The following WWOX variants were observed in gnomAD, a reference collection of about 807,000 sequenced individuals.
WWOX encodes the protein WW domain containing oxidoreductase.
WWOX carries 69 observed loss-of-function variants against 46.2 expected under a neutral mutation model. That is an observed-to-expected ratio of 1.49 (90% CI 1.23 to 1.82). The LOEUF (loss-of-function observed/expected upper bound fraction) is 1.82, where lower values mean the gene tolerates loss of function less well. WWOX is among the 40% of genes most tolerant of loss of function. The probability of loss-of-function intolerance (pLI) is 0.00; values close to 1 mark genes in which losing one functional copy is unlikely to be tolerated. For synonymous variants in WWOX, 359 were observed against 202.6 expected (o/e 1.77, Z -6.56); for missense variants, 919 against 542.6 (o/e 1.69, Z -6.89).
intron 5 of WWOX, among the ~76,000 whole-genome samples, chr16:78,190,529 C>A (rs144063124): frequency 1.4e-3 from 215 of 152,294 alleles, no homozygotes; most frequent in Middle Eastern, 6.8e-3. Flanking sequence ...CCGACCGACC[C>A]CATGATGGCT....
intron 8 of WWOX, among the ~76,000 whole-genome samples, chr16:79,166,074 A>G (rs2050588649): frequency 6.6e-6 from 1 of 152,254 alleles, no homozygotes; most frequent in South Asian, 2.1e-4. Flanking sequence ...AGCAGCATAG[A>G]CCAGCTTTAC....
rs184500178 is a variant in WWOX, at chr16:79,059,728, G to C, written c.1057-151880G>C. ...CCAGGCATCTCAATCGTTTTACTAA[G>C]AAATTTGGAGGCCTTGAGAAATGGG... is the stretch of plus-strand genomic sequence containing the variant. On this transcript the variant is annotated intron_variant, in intron 8 of 8. Transcript: ENST00000566780. Among the ~76,000 whole-genome samples the C allele has an allele frequency of 1.1e-4, 16 of 152,252 alleles. No individual in the cohort carries two copies. The East Asian group carries it at 1.2e-3, about 11-fold the overall frequency.
intron 6 of WWOX, among the ~76,000 whole-genome samples, chr16:78,396,152 C>G (rs930834127): frequency 6.6e-6 from 1 of 152,208 alleles, no homozygotes; most frequent in Non-Finnish European, 1.5e-5. Context: ...TGCCTTCTCT[C>G]ATATCTCCTG....
intron 8 of WWOX, among the ~76,000 whole-genome samples, chr16:78,875,518 T>G (rs2044217537): frequency 6.6e-6 from 1 of 152,186 alleles, no homozygotes; most frequent in African/African-American, 2.4e-5. Context: ...GATTGCTATT[T>G]AATCTGTTTT....
At chr16:78,610,112 T>C (rs1423200230) in intron 8 of WWOX, among the ~76,000 whole-genome samples, 1 of 152,228 alleles carries the variant, frequency 6.6e-6, no homozygotes, top group African/African-American at 2.4e-5. Flanking sequence ...GCAAGGTCCC[T>C]GCTTCATTTT....
At chr16:78,470,224 G>T (rs574672789) in intron 8 of WWOX, among the ~76,000 whole-genome samples, 4 of 152,322 alleles carry the variant, frequency 2.6e-5, no homozygotes, top group African/African-American at 9.6e-5. Context: ...AGGACCATGT[G>T]TGGAGCATTT....
chr16:78,298,323 G>A (rs897862891), intron 5 of WWOX, among the ~76,000 whole-genome samples: 12 of 152,086 alleles, frequency 7.9e-5, no homozygotes, highest in African/African-American at 2.9e-4. Context: ...AGCTCTATAG[G>A]CAAAAAGAAT....
chr16:78,810,660 G>A, intron 8 of WWOX, among the ~76,000 whole-genome samples: 1 of 152,190 alleles, frequency 6.6e-6, no homozygotes, highest in East Asian at 1.9e-4. Context: ...GGTTCTAATT[G>A]TTAAGCCTGC....
intron 8 of WWOX, among the ~76,000 whole-genome samples, chr16:78,636,056 G>A (rs2046560358): frequency 6.6e-6 from 1 of 152,158 alleles, no homozygotes. Flanking sequence ...AACACTGCCT[G>A]TGTTTTCCTA....
At chr16:78,308,886 G>T (rs1052257216) in intron 5 of WWOX, among the ~76,000 whole-genome samples, 3 of 151,984 alleles carry the variant, frequency 2.0e-5, no homozygotes, top group Non-Finnish European at 2.9e-5. Flanking sequence ...TACCTGATAC[G>T]GTTTGGCCGC....
chr16:79,057,762 T>C (rs2150542036), intron 8 of WWOX, among the ~76,000 whole-genome samples: 1 of 152,240 alleles, frequency 6.6e-6, no homozygotes, highest in East Asian at 1.9e-4. Context: ...GTCAAGAATT[T>C]AGAAAGACCC....
At chr16:78,835,913 C>G (rs2051968913) in intron 8 of WWOX, among the ~76,000 whole-genome samples, 1 of 152,082 alleles carries the variant, frequency 6.6e-6, no homozygotes. Flanking sequence ...TGAGTTGTAT[C>G]CTCAGATATA....
At chr16:78,761,479 G>C (rs1567542466) in intron 8 of WWOX, among the ~76,000 whole-genome samples, 5 of 152,112 alleles carry the variant, frequency 3.3e-5, no homozygotes. Flanking sequence ...ATTTGTGTTG[G>C]CTGAAATCTG....
intron 8 of WWOX, among the ~76,000 whole-genome samples, chr16:78,574,032 T>A (rs1377404624): frequency 6.6e-6 from 1 of 152,186 alleles, no homozygotes; most frequent in Non-Finnish European, 1.5e-5. Flanking sequence ...ATCACCCAGA[T>A]TACTAGCAGA....
chr16:78,381,888 G>C (rs1185679693), intron 5 of WWOX, among the ~76,000 whole-genome samples: 5 of 152,036 alleles, frequency 3.3e-5, no homozygotes, highest in South Asian at 2.1e-4. Flanking sequence ...TTTTTACTCA[G>C]ACAGTCTTGT....
At chr16:78,506,569 T>C (rs934445251) in intron 8 of WWOX, 13 of 152,196 alleles carry the variant, frequency 8.5e-5, no homozygotes, top group African/African-American at 3.1e-4. Flanking sequence ...CAGAATCCCC[T>C]AAGTGGGAAG....
Position 79,002,213 on chromosome 16 carries a change from C to CTTTT in WWOX, c.1057-209371_1057-209368dup, listed in dbSNP as rs67180105. Among the ~76,000 whole-genome samples, 11 of 41,346 alleles carry CTTTT rather than the reference C, an allele frequency of 2.7e-4. 2 individuals are homozygous for CTTTT. Among genetic ancestry groups the CTTTT allele is most frequent in the African/African-American group, 8.9e-4 (9 of 10,120 alleles). The allele number at this position is 41,346 out of a possible 152,430, so 27.1% of individuals were successfully genotyped here. A position where few individuals can be genotyped will look rare whatever the true frequency, so the allele number is the denominator to read the frequency against. ...ATTTAGATTTCCTTGGGTGTCCTGC[C>CTTTT]TTTTTTTTTTTTTTTTTTTTTTTTT... On this transcript the variant is annotated intron_variant, in intron 8 of 8. Transcript: ENST00000566780.
intron 8 of WWOX, among the ~76,000 whole-genome samples, chr16:78,731,792 C>G (rs1213546742): frequency 1.3e-5 from 2 of 150,794 alleles, no homozygotes; most frequent in Non-Finnish European, 2.9e-5. Flanking sequence ...TTATAACATG[C>G]AACAAAAACT....
intron 5 of WWOX, among the ~76,000 whole-genome samples, chr16:78,301,807 T>G (rs991751158): frequency 6.6e-6 from 1 of 152,160 alleles, no homozygotes; most frequent in African/African-American, 2.4e-5. Flanking sequence ...GCCTCAGGAT[T>G]ACGTTACCTA....
Sources: gnomAD v4.1 joint callset for allele counts (sites outside exome capture counted in the v4.1 genomes callset) on GRCh38, gnomAD v4.1.1 for gene constraint, MANE v1.5 for transcripts, NCBI Gene and HGNC (gene_info 2026-07-23, HGNC 2026-07-21) for gene names.